Variants in PRELID2 observed in about 807,000 individuals in gnomAD.
PRELID2 encodes the protein PRELI domain containing 2, also known as PRELI domain-containing protein 2.
Under a neutral mutation model 28.4 loss-of-function variants are expected in PRELID2, and 25 were observed. That is an observed-to-expected ratio of 0.88 (90% CI 0.64 to 1.23). The LOEUF (loss-of-function observed/expected upper bound fraction) is 1.23. PRELID2 is among the 50% of genes most tolerant of loss of function. The pLI is 0.00. For missense variants in PRELID2, 201 were observed against 214.4 expected, an observed-to-expected ratio of 0.94 and a Z score of 0.39; for synonymous variants, 76 against 71.6, an observed-to-expected ratio of 1.06 and a Z score of -0.31.
chr5:145,298,680 C>G, the PRELID2 span, among the ~76,000 whole-genome samples: 1 of 151,996 alleles, frequency 6.6e-6, no homozygotes, highest in African/African-American at 2.4e-5. Context: ...CGTGTCAAGA[C>G]AAATGCCAGG....
At chr5:145,477,926 A>T (rs1580951755) in intron 1 of PRELID2, among the ~76,000 whole-genome samples, 1 of 152,202 alleles carries the variant, frequency 6.6e-6, no homozygotes, top group East Asian at 1.9e-4. Context: ...GAAATTTGAG[A>T]TGTTAAGGTG....
At chr5:145,249,752 T>G in the PRELID2 span, among the ~76,000 whole-genome samples, 1 of 152,098 alleles carries the variant, frequency 6.6e-6, no homozygotes, top group Admixed American at 6.6e-5. Context: ...GTTCTCTGTT[T>G]TGTAATGCCT....
intron 1 of PRELID2, among the ~76,000 whole-genome samples, chr5:145,488,267 A>G (rs1484080950): frequency 6.6e-6 from 1 of 152,134 alleles, no homozygotes; most frequent in Non-Finnish European, 1.5e-5. Context: ...CACCATATGG[A>G]GAAGATCTGT....
intron 1 of PRELID2, among the ~76,000 whole-genome samples, chr5:145,709,764 T>C (rs1755644081): frequency 6.6e-6 from 1 of 152,142 alleles, no homozygotes; most frequent in African/African-American, 2.4e-5. Context: ...ATGTAGACAG[T>C]AACCATTGCC....
intron 1 of PRELID2, among the ~76,000 whole-genome samples, chr5:145,482,094 T>C (rs149585008): frequency 1.2e-3 from 182 of 152,304 alleles, no homozygotes; most frequent in African/African-American, 4.2e-3. Context: ...TCCGTGGCCC[T>C]GTCATCTTTA....
intron 1 of PRELID2, among the ~76,000 whole-genome samples, chr5:145,710,686 G>C (rs965415214): frequency 1.3e-5 from 2 of 152,216 alleles, no homozygotes; most frequent in Non-Finnish European, 2.9e-5. Context: ...TGTTCTACAA[G>C]AGTGACACTC....
chr5:145,579,766 C>CT (rs1190181216), intron 1 of PRELID2, among the ~76,000 whole-genome samples: 1 of 152,008 alleles, frequency 6.6e-6, no homozygotes, highest in African/African-American at 2.4e-5. Context: ...ATACTTGACA[C>CT]TTTTTAAGTT....
intron 1 of PRELID2, among the ~76,000 whole-genome samples, chr5:145,675,100 C>G (rs1007136482): frequency 6.6e-6 from 1 of 151,840 alleles, no homozygotes; most frequent in Non-Finnish European, 1.5e-5. Context: ...AAAAACTATA[C>G]AGCAAAAAAT....
chr5:145,829,940 T>C (rs1263610387), intron 1 of PRELID2, among the ~76,000 whole-genome samples: 1 of 152,216 alleles, frequency 6.6e-6, no homozygotes, highest in Non-Finnish European at 1.5e-5. Flanking sequence ...AACCATTTTG[T>C]TCAGCACACC....
At chr5:145,587,364 G>A (rs1274901345) in intron 1 of PRELID2, among the ~76,000 whole-genome samples, 2 of 152,072 alleles carry the variant, frequency 1.3e-5, no homozygotes, top group African/African-American at 4.8e-5. Flanking sequence ...CTAGCCTTCG[G>A]GCCCGGGTGG....
At chr5:145,632,127 C>T (rs527414386) in intron 1 of PRELID2, among the ~76,000 whole-genome samples, 19 of 152,262 alleles carry the variant, frequency 1.2e-4, no homozygotes, top group African/African-American at 4.6e-4. Flanking sequence ...ATAATTGTAG[C>T]TCCCAAATCC....
At chr5:145,429,466 C>T in the PRELID2 span, among the ~76,000 whole-genome samples, 1 of 152,086 alleles carries the variant, frequency 6.6e-6, no homozygotes, top group Non-Finnish European at 1.5e-5. Flanking sequence ...ACATGTTAAG[C>T]AAAAGCTGCC....
At chr5:145,255,523 C>A in the PRELID2 span, among the ~76,000 whole-genome samples, 1 of 151,648 alleles carries the variant, frequency 6.6e-6, no homozygotes, top group East Asian at 1.9e-4. Context: ...TCTGTAATCC[C>A]AATGCTTTGG....
the PRELID2 span, among the ~76,000 whole-genome samples, chr5:145,415,954 C>T: frequency 6.6e-6 from 1 of 152,012 alleles, no homozygotes; most frequent in East Asian, 1.9e-4. Flanking sequence ...TGTTTCCTGA[C>T]TTTTTAATGA....
intron 1 of PRELID2, among the ~76,000 whole-genome samples, chr5:145,721,942 C>A (rs529664537): frequency 1.3e-5 from 2 of 152,022 alleles, no homozygotes; most frequent in African/African-American, 4.8e-5. Flanking sequence ...ACAGAGCAAC[C>A]ACCTGCATAA....
chr5:145,262,728 A>T, the PRELID2 span, among the ~76,000 whole-genome samples: 1 of 152,126 alleles, frequency 6.6e-6, no homozygotes, highest in East Asian at 1.9e-4. Context: ...ACCAAAATAA[A>T]ATCTCTTAAA....
the PRELID2 span, among the ~76,000 whole-genome samples, chr5:145,414,987 A>C: frequency 6.6e-6 from 1 of 152,214 alleles, no homozygotes; most frequent in East Asian, 1.9e-4. Context: ...GCTCTGGATC[A>C]AGTGGCTCTG....
the PRELID2 span, among the ~76,000 whole-genome samples, chr5:145,446,697 G>A: frequency 1.3e-5 from 2 of 151,894 alleles, no homozygotes; most frequent in Non-Finnish European, 2.9e-5. Flanking sequence ...CCACATACCT[G>A]GAGCTTCCAT....
rs140092721 is a variant in PRELID2, at chr5:145,689,652, G to A, written n.70+75279C>T. On this transcript the variant is annotated intron_variant and non_coding_transcript_variant, in intron 1 of 2. Transcript: ENST00000510259. ...AGCTCTGGGGATAGGACCAAACTGA[G>A]AGCCATGGATTTAAGCAAGCTCCAG... 3.5e-3 allele frequency among the ~76,000 whole-genome samples: 530 copies of A among 152,254 alleles called. 2 individuals are homozygous for A. The highest frequency in any genetic ancestry group is 6.8e-3 in the Middle Eastern group (2 of 294).
Sources: allele counts gnomAD v4.1 joint callset (sites outside exome capture counted in the v4.1 genomes callset), GRCh38; gene constraint gnomAD v4.1.1; transcripts MANE v1.5; gene names NCBI Gene and HGNC (gene_info 2026-07-23, HGNC 2026-07-21).